Variants in GOLGA3 observed in about 807,000 individuals in gnomAD.
GOLGA3 encodes golgin subfamily A member 3.
In GOLGA3, 75 loss-of-function variants were observed where a neutral mutation model predicts 169.4. That is an observed-to-expected ratio of 0.44 (90% CI 0.37 to 0.54). The LOEUF (loss-of-function observed/expected upper bound fraction) is 0.54. GOLGA3 is among the 20% of genes least tolerant of loss of function. The pLI is 0.00. For synonymous variants in GOLGA3, 824 were observed against 822.4 expected (o/e 1.00, Z -0.03); for missense variants, 1,899 against 1,930.0 (o/e 0.98, Z 0.30).
At chr12:132,810,569 A>G (rs1026715477) in intron 4 of GOLGA3, among the ~76,000 whole-genome samples, 17 of 150,182 alleles carry the variant, frequency 1.1e-4, no homozygotes, top group African/African-American at 3.9e-4. Context: ...CAGGCCATAC[A>G]GAGATAGGAG....
chr12:132,780,346 T>C (rs574571900), intron 18 of GOLGA3, among the ~76,000 whole-genome samples: 20 of 151,998 alleles, frequency 1.3e-4, no homozygotes, highest in Middle Eastern at 3.4e-3. Flanking sequence ...CACCTGGGGG[T>C]CAGGATGGGC....
intron 14 of GOLGA3, 50 bp from the exon 15 acceptor site, chr12:132,786,605 G>T: frequency 1.9e-6 from 3 of 1,597,398 alleles, no homozygotes; most frequent in South Asian, 2.2e-5. Flanking sequence ...ATCCCGATGT[G>T]ACCGTCTGGC....
chr12:132,811,793 G>C (rs1949720037), intron 4 of GOLGA3: 1 of 893,720 alleles, frequency 1.1e-6, no homozygotes, highest in South Asian at 5.2e-5. Flanking sequence ...TAACCTTAAA[G>C]GTATAAGAAG....
chr12:132,771,071 G>A lies in GOLGA3; in HGVS notation c.*2034C>T, dbSNP rs2136221831. ...ATCTTCAACTTAAGATAAAAAGTAG[G>A]ATATATTTATAATGAAATTTTCAAG... On this transcript the variant is annotated 3_prime_UTR_variant, in exon 24 of 24. Transcript: ENST00000450791. 1 of 152,640 alleles carries A rather than the reference G, an allele frequency of 6.6e-6. No homozygotes were observed. The highest frequency in any genetic ancestry group is 1.9e-4 in the East Asian group (1 of 5,188). 9.5% of individuals were successfully genotyped at this position (152,640 alleles called of 1,614,324 possible). A position where few individuals can be genotyped will look rare whatever the true frequency, so the allele number is the denominator to read the frequency against.
In GOLGA3 at chr12:132,801,919, C is replaced by T. The variant is rs1949146235; in HGVS notation, c.1648G>A (p.Val550Met). 1 of 1,601,732 alleles carries T rather than the reference C, an allele frequency of 6.2e-7. No individual in the cohort carries two copies. ...MTALQSQLQQ[V>M]QLERTTLTSK... Reference sequence around the variant, plus strand: ...GTCAGCGTCGTCCGCTCCAGCTGCACCTGCTGAAGCTGGCTCTGCAAGGCT... The same window carrying T: ...GTCAGCGTCGTCCGCTCCAGCTGCATCTGCTGAAGCTGGCTCTGCAAGGCT... The change falls in exon 8 of 24, where the codon GTG (valine) becomes ATG (methionine). Residue 550 changes from valine (V) to methionine (M), a missense_variant. Val to Met is a conservative substitution (Grantham distance 21). Transcript: ENST00000450791.
rs1340677603 is a variant in GOLGA3, at chr12:132,798,497, A to G, written c.1801-20T>C. Reference sequence around the variant, plus strand: ...TCCAACCTTAAAAAAAAAACCCACAAAGTAAAAAGTTGCTCAATTTCAAGC... The same window carrying G: ...TCCAACCTTAAAAAAAAAACCCACAGAGTAAAAAGTTGCTCAATTTCAAGC... On this transcript the variant is annotated intron_variant, in intron 8 of 23. Coordinates refer to ENST00000450791, the MANE Select transcript of GOLGA3 (RefSeq NM_001389683.1). The G allele has an allele frequency of 6.3e-7, 1 of 1,584,160 alleles. No individual in the cohort carries two copies. The highest frequency in any genetic ancestry group is 8.5e-7 in the Non-Finnish European group (1 of 1,171,694).
In GOLGA3 at chr12:132,775,311, G is replaced by A. The variant is rs374242916; in HGVS notation, c.3979-6C>T. The A allele has an allele frequency of 1.3e-4, 204 of 1,592,194 alleles. No individual in the cohort carries two copies. The highest frequency in any genetic ancestry group is 1.6e-4 in the Non-Finnish European group (193 of 1,170,632). On this transcript the variant is annotated splice_region_variant and splice_polypyrimidine_tract_variant and intron_variant, in intron 21 of 23. Transcript: ENST00000450791. ...TCCAACTCAGACTTGACGTTCTGTG[G>A]AAAATGAAGTCAGATTTTTAAAAGC...
chr12:132,822,309 T>C lies in GOLGA3; in HGVS notation c.-181A>G, dbSNP rs1950253405. 6 of 1,343,610 alleles carry C rather than the reference T, an allele frequency of 4.5e-6. No individual in the cohort carries two copies. In the South Asian group the frequency reaches 1.1e-4, roughly 24 times the overall value. The allele number at this position is 1,343,610 out of a possible 1,614,324, so 83.2% of individuals were successfully genotyped here. ...GATGTCAAACCAGCTAATATCATGATACCTGACAGGAGAGAGAGACAAAAT... is the reference window on the plus strand; with the variant it reads ...GATGTCAAACCAGCTAATATCATGACACCTGACAGGAGAGAGAGACAAAAT... On this transcript the variant is annotated splice_region_variant and 5_prime_UTR_variant, in exon 2 of 24. Transcript: ENST00000450791.
chr12:132,783,929 T>A (rs1347668916), intron 16 of GOLGA3: 2 of 1,436,096 alleles, frequency 1.4e-6, no homozygotes, highest in Non-Finnish European at 1.8e-6. Context: ...GGTTCCACTA[T>A]GAATTCTGTA....
At chr12:132,805,973 C>T (rs919545297) in intron 6 of GOLGA3, among the ~76,000 whole-genome samples, 16 of 152,182 alleles carry the variant, frequency 1.1e-4, no homozygotes, top group Non-Finnish European at 2.1e-4. Flanking sequence ...GCCAGAGCCA[C>T]GGGACACAGC....
At chr12:132,787,286 C>T (rs1196620548) in intron 13 of GOLGA3, among the ~76,000 whole-genome samples, 1 of 152,042 alleles carries the variant, frequency 6.6e-6, no homozygotes, top group Non-Finnish European at 1.5e-5. Context: ...ACAAGCGTTT[C>T]CAAACACTGT....
At chr12:132,782,619 G>T (rs1335252256) in intron 16 of GOLGA3, 126 bp from the exon 17 acceptor site, 6 of 746,626 alleles carry the variant, frequency 8.0e-6, no homozygotes, top group Non-Finnish European at 1.4e-5. Flanking sequence ...GCTCACGCCT[G>T]TAATCACAGC....
rs1461080409 is a variant in GOLGA3 at position 132,782,311 on chromosome 12, G to A, written c.3450C>T (p.Val1150=). The A allele has an allele frequency of 6.2e-7, 1 of 1,613,978 alleles. No homozygotes were observed. Among genetic ancestry groups the A allele is most frequent in the East Asian group, 2.2e-5 (1 of 44,888 alleles). ...TALAKREADL[V]QLNLQVQAVL... ...GTTTGAATACCTGAAGGTTCAACTG[G>A]ACTAGGTCTGCCTCCCTCTTGGCCA... Residue 1150 remains valine (V), a synonymous_variant, in exon 17 of 24, where the codon GTC becomes GTT. Coordinates refer to ENST00000450791, the MANE Select transcript of GOLGA3 (RefSeq NM_001389683.1).
At chr12:132,802,865 G>A (rs1949200335) in intron 7 of GOLGA3, among the ~76,000 whole-genome samples, 1 of 152,068 alleles carries the variant, frequency 6.6e-6, no homozygotes, top group South Asian at 2.1e-4. Context: ...AGACCAGCCT[G>A]GCCAACATGG....
At chr12:132,803,885 C>G (rs961536237) in intron 7 of GOLGA3, among the ~76,000 whole-genome samples, 1 of 152,144 alleles carries the variant, frequency 6.6e-6, no homozygotes, top group African/African-American at 2.4e-5. Context: ...ACTCTGGACC[C>G]GGGTCACTCT....
chr12:132,787,813 A>C (rs1451188663), intron 13 of GOLGA3, among the ~76,000 whole-genome samples: 1 of 22,978 alleles, frequency 4.4e-5, no homozygotes, highest in African/African-American at 1.2e-4. Context: ...CTCCCCGGAG[A>C]CCCCGGGACC....
At chr12:132,788,969 CG>C in intron 13 of GOLGA3, 57 bp downstream of exon 13, 1 of 907,776 alleles carries the variant, frequency 1.1e-6, no homozygotes, top group Non-Finnish European at 1.5e-6. Context: ...CCCACCCTCC[CG>C]ACAAGCACTT....
chr12:132,815,684 C>T (rs143464611), intron 3 of GOLGA3, among the ~76,000 whole-genome samples: 3,923 of 151,498 alleles, frequency 0.026, 70 homozygotes, highest in Non-Finnish European at 0.042. Flanking sequence ...TCACTTGAGC[C>T]CAGGAGTTCA....
At chr12:132,781,071 C>G (rs979036261) in intron 17 of GOLGA3, among the ~76,000 whole-genome samples, 157 bp from the exon 18 acceptor site, 2 of 152,354 alleles carry the variant, frequency 1.3e-5, no homozygotes, top group East Asian at 3.9e-4. Context: ...AAAACAGAAT[C>G]CTAGGTTGCG....
Sources: allele counts gnomAD v4.1 joint callset (sites outside exome capture counted in the v4.1 genomes callset), GRCh38; gene constraint gnomAD v4.1.1; transcripts MANE v1.5; gene names NCBI Gene and HGNC (gene_info 2026-07-23, HGNC 2026-07-21).